The following EPS8L2 variants were observed in gnomAD, a reference collection of about 807,000 sequenced individuals.
EPS8L2 encodes the protein EPS8 signaling adaptor L2.
A neutral mutation model predicts 99.4 loss-of-function variants in EPS8L2; 81 were observed. The observed-to-expected ratio is 0.82, with a 90% CI of 0.68 to 0.98. EPS8L2 has a LOEUF of 0.98. Ranked by LOEUF, EPS8L2 falls within the 50% of genes least tolerant of loss-of-function variation. The probability of loss-of-function intolerance (pLI) is 0.00; values close to 1 mark genes in which losing one functional copy is unlikely to be tolerated. For synonymous variants in EPS8L2, 509 were observed against 407.3 expected (o/e 1.25, Z -3.01); for missense variants, 1,155 against 968.8 (o/e 1.19, Z -2.55).
Position 724,403 on chromosome 11 carries a change from G to A in EPS8L2, c.1455-321G>A, listed in dbSNP as rs907139830. Among the ~76,000 whole-genome samples, 1 of 152,158 alleles carries A rather than the reference G, an allele frequency of 6.6e-6. No individual in the cohort carries two copies. The highest frequency in any genetic ancestry group is 1.5e-5 in the Non-Finnish European group (1 of 68,020). On this transcript the variant is annotated intron_variant, in intron 15 of 20. Transcript: ENST00000318562. This position sits in a 1 kb window ranked among gnomAD's most constrained non-coding sequence, Gnocchi z 5.5. Reference sequence around the variant, plus strand: ...TGTGACCCTGGCGTTTCCCAGGAACGCCCCTGGCTCTGGTTCCCCTGGGGT... The same window carrying A: ...TGTGACCCTGGCGTTTCCCAGGAACACCCCTGGCTCTGGTTCCCCTGGGGT...
At chr11:719,317 G>A (rs946225779) in intron 4 of EPS8L2, among the ~76,000 whole-genome samples, 1 of 152,242 alleles carries the variant, frequency 6.6e-6, no homozygotes, top group Non-Finnish European at 1.5e-5. Context: ...CTGTCCTGTA[G>A]TTCAAGTTAG....
At chr11:710,855 C>T (rs1285694735) in intron 4 of EPS8L2, among the ~76,000 whole-genome samples, 2 of 152,206 alleles carry the variant, frequency 1.3e-5, no homozygotes, top group Admixed American at 1.3e-4. Flanking sequence ...AGGCCAGAGC[C>T]AGAACTGCCC....
At position 724,620 on chromosome 11, in the gene EPS8L2, G is replaced by A. The variant is rs1375013367; in HGVS notation, c.1455-104G>A. The A allele has an allele frequency of 6.5e-6, 5 of 770,180 alleles. No individual in the cohort carries two copies. The highest frequency in any genetic ancestry group is 9.1e-6 in the Non-Finnish European group (4 of 440,022). 47.7% of individuals were successfully genotyped at this position (770,180 alleles called of 1,614,324 possible). ...ACGGTGACCTCCAGAACAGAAAAGAGGCAGCCAGTCGTGCACCTGGGAAGC... is the reference window on the plus strand; with the variant it reads ...ACGGTGACCTCCAGAACAGAAAAGAAGCAGCCAGTCGTGCACCTGGGAAGC... On this transcript the variant is annotated intron_variant, in intron 15 of 20. Coordinates refer to ENST00000318562, the MANE Select transcript of EPS8L2 (RefSeq NM_022772.4). This position sits in a 1 kb window ranked among gnomAD's most constrained non-coding sequence, Gnocchi z 5.5.
rs201493659 is a variant in EPS8L2 at position 723,393 on chromosome 11, C to A, written c.1454+40C>A. The A allele has an allele frequency of 3.3e-6, 3 of 901,724 alleles. No individual in the cohort carries two copies. The South Asian group carries it at 5.3e-5, about 16-fold the overall frequency. 55.9% of individuals were successfully genotyped at this position (901,724 alleles called of 1,614,324 possible). ...AAGTGAGGGAGCATGAAAGTGAAAC[C>A]CTTCAGAACCTACAGTCTCTAAAAA... On this transcript the variant is annotated intron_variant, in intron 15 of 20. Transcript: ENST00000318562.
chr11:709,412 G>A lies in EPS8L2; in HGVS notation c.5G>A (p.Ser2Asn). 1.3e-6 allele frequency: 2 copies of A among 1,587,886 alleles called. No individual in the cohort carries two copies. The highest frequency in any genetic ancestry group is 1.7e-6 in the Non-Finnish European group (2 of 1,168,720). M[S>N]QSGAVSCCPG... ...CTGGCCGCCACCCAAGACACCATGA[G>A]CCAGTCCGGGGCCGTGAGCTGCTGC... Residue 2 changes from serine to asparagine, a missense_variant, in exon 2 of 21, where the codon AGC (serine) becomes AAC (asparagine). Ser to Asn is a conservative substitution (Grantham distance 46). Transcript: ENST00000318562.
chr11:715,241 CAAA>C (rs111725827), intron 4 of EPS8L2, among the ~76,000 whole-genome samples: 1 of 132,564 alleles, frequency 7.5e-6, no homozygotes. Flanking sequence ...GACTCTGTCT[CAAA>C]AAAAAAAAAA....
rs374333852 is a variant in EPS8L2 at position 710,463 on chromosome 11, G to A, written c.142G>A (p.Glu48Lys). The change falls in exon 4 of 21, where the codon GAG (glutamate) becomes AAG (lysine). Residue 48 changes from glutamate (E) to lysine (K), a missense_variant. Transcript: ENST00000318562. ...KYSNSNVIMH[E>K]TSQYHVQHLA... ...TTCCAACTCCAACGTCATCATGCACGAGACCTCGCAGTACCACGTCCAGGT... is the reference window on the plus strand; with the variant it reads ...TTCCAACTCCAACGTCATCATGCACAAGACCTCGCAGTACCACGTCCAGGT... 2 of 1,613,732 alleles carry A rather than the reference G, an allele frequency of 1.2e-6. No individual in the cohort carries two copies. Among genetic ancestry groups the A allele is most frequent in the Non-Finnish European group, 1.7e-6 (2 of 1,179,962 alleles).
chr11:725,120 C>T (rs1156838495), intron 16 of EPS8L2, among the ~76,000 whole-genome samples: 1 of 152,228 alleles, frequency 6.6e-6, no homozygotes, highest in African/African-American at 2.4e-5. Context: ...GTCATTCACA[C>T]CCACCCAGGA....
At position 724,664 on chromosome 11, in the gene EPS8L2, G is replaced by T. The variant is rs1175021624; in HGVS notation, c.1455-60G>T. 8.1e-7 allele frequency: 1 copy of T among 1,232,372 alleles called. No homozygotes were observed. Among genetic ancestry groups the T allele is most frequent in the Admixed American group, 1.7e-5 (1 of 58,924 alleles). The allele number at this position is 1,232,372 out of a possible 1,614,324, so 76.3% of individuals were successfully genotyped here. On this transcript the variant is annotated intron_variant, in intron 15 of 20. Transcript: ENST00000318562. The surrounding 1 kb of genome is among the most constrained non-coding windows in gnomAD (Gnocchi z 5.5). ...GGGAAGCTGCTGCCCCCCAGCCACT[G>T]CCCAGGTCTCAGAGGAGACCCCCAC...
chr11:722,341 C>G, intron 12 of EPS8L2, 60 bp from the exon 13 acceptor site: 1 of 1,588,554 alleles, frequency 6.3e-7, no homozygotes, highest in Non-Finnish European at 8.6e-7. Flanking sequence ...TGTGGAGCTA[C>G]GGGGGTGCTG....
At chr11:714,213 G>C (rs1861959707) in intron 4 of EPS8L2, among the ~76,000 whole-genome samples, 1 of 150,136 alleles carries the variant, frequency 6.7e-6, no homozygotes, top group South Asian at 2.1e-4. Flanking sequence ...AAGTTCCTGT[G>C]TTTTCTTTTT....
In EPS8L2 at chr11:726,446, G is replaced by C; in HGVS notation, c.1896G>C (p.Glu632Asp). Residue 632 changes from glutamate to aspartate, a missense_variant, in exon 19 of 21, where the codon GAG becomes GAC. Glu to Asp is a conservative substitution (Grantham distance 45, BLOSUM62 2). Coordinates refer to ENST00000318562, the MANE Select transcript of EPS8L2 (RefSeq NM_022772.4). Reference protein sequence around the residue: ...QPLTYESGPDEVRAWLEAKAF... With the variant: ...QPLTYESGPDDVRAWLEAKAF... ...TCACCTACGAGTCGGGTCCGGACGAGGTCCGCGCCTGGCTGGAAGCCAAGG... is the reference window on the plus strand; with the variant it reads ...TCACCTACGAGTCGGGTCCGGACGACGTCCGCGCCTGGCTGGAAGCCAAGG... 2.5e-6 allele frequency: 4 copies of C among 1,588,342 alleles called. No homozygotes were observed. The highest frequency in any genetic ancestry group is 3.4e-6 in the Non-Finnish European group (4 of 1,169,052).
intron 4 of EPS8L2, among the ~76,000 whole-genome samples, chr11:714,195 C>G (rs1861958171): frequency 1.3e-5 from 2 of 151,668 alleles, no homozygotes; most frequent in South Asian, 4.1e-4. Flanking sequence ...ATTAGGAATT[C>G]ACTGTGGAAG....
chr11:721,869 G>A (rs755031334), intron 10 of EPS8L2, 34 bp from the exon 11 acceptor site: 3 of 1,563,788 alleles, frequency 1.9e-6, no homozygotes, highest in Non-Finnish European at 2.6e-6. Flanking sequence ...GGAGATCAGG[G>A]CCAGCCTGGC....
chr11:722,670 C>G lies in EPS8L2; in HGVS notation c.1209-3C>G, dbSNP rs780157612. ...GGGCTGACTTCAGGACCTCTCACCC[C>G]AGTTCCGAGTGGCCGCGGGAGCCAC... is the stretch of plus-strand genomic sequence containing the variant. On this transcript the variant is annotated splice_region_variant and splice_polypyrimidine_tract_variant and intron_variant, in intron 13 of 20. Coordinates refer to ENST00000318562, the MANE Select transcript of EPS8L2 (RefSeq NM_022772.4). 6.2e-7 allele frequency: 1 copy of G among 1,607,866 alleles called. No individual in the cohort carries two copies. Among genetic ancestry groups the G allele is most frequent in the Admixed American group, 1.7e-5 (1 of 59,286 alleles).
chr11:724,000 G>C (rs1317676845), intron 15 of EPS8L2, among the ~76,000 whole-genome samples: 1 of 152,150 alleles, frequency 6.6e-6, no homozygotes, highest in Non-Finnish European at 1.5e-5. Flanking sequence ...TGGCTCCCGT[G>C]GTCCCTGGCC....
At position 707,864 on chromosome 11, in the gene EPS8L2, C is replaced by G. The variant is rs573977777; in HGVS notation, c.-78-1466C>G. On this transcript the variant is annotated intron_variant, in intron 1 of 20. Coordinates refer to ENST00000318562, the MANE Select transcript of EPS8L2 (RefSeq NM_022772.4). Reference sequence around the variant, plus strand: ...TCGCCCAGGTGTGTGCCTGGACACACGTGCCTGGCGCCCTTGGTGGAGCCC... The same window carrying G: ...TCGCCCAGGTGTGTGCCTGGACACAGGTGCCTGGCGCCCTTGGTGGAGCCC... Among the ~76,000 whole-genome samples the G allele has an allele frequency of 5.8e-4, 89 of 152,260 alleles. No homozygotes were observed. In the Middle Eastern group the frequency reaches 0.02, roughly 35 times the overall value.
chr11:720,801 TCCTGGCCG>T (rs1267350118), intron 6 of EPS8L2, 21 bp from the exon 7 acceptor site: 11 of 1,542,016 alleles, frequency 7.1e-6, no homozygotes, highest in Middle Eastern at 2.0e-4. Context: ...CGCCCCGCCC[TCCTGGCCG>T]CCTGACGCCC....
chr11:717,944 GA>G (rs776700427), intron 4 of EPS8L2, among the ~76,000 whole-genome samples: 19 of 152,046 alleles, frequency 1.2e-4, no homozygotes, highest in Non-Finnish European at 2.5e-4. Flanking sequence ...GGGAGGCGGA[GA>G]TTGCAGTGAG....
Sources: allele counts gnomAD v4.1 joint callset (sites outside exome capture counted in the v4.1 genomes callset), GRCh38; gene constraint gnomAD v4.1.1; non-coding constraint Gnocchi (gnomAD v3.1); transcripts MANE v1.5; gene names NCBI Gene and HGNC (gene_info 2026-07-23, HGNC 2026-07-21).